Variants in RPE observed in about 807,000 individuals in gnomAD.
The protein encoded by RPE is ribulose-phosphate 3-epimerase.
RPE carries 16 observed loss-of-function variants against 24.6 expected under a neutral mutation model. That is an observed-to-expected ratio of 0.65 (90% CI 0.44 to 0.99). RPE has a LOEUF of 0.99. Ranked by LOEUF, RPE falls within the 50% of genes least tolerant of loss-of-function variation. RPE has a pLI of 0.00. For synonymous variants in RPE, 93 were observed against 98.4 expected, an observed-to-expected ratio of 0.94 and a Z score of 0.33; for missense variants, 240 against 294.5, an observed-to-expected ratio of 0.81 and a Z score of 1.35.
chr2:210,018,694 T>C (rs775598955), intron 5 of RPE: 5 of 985,274 alleles, frequency 5.1e-6, no homozygotes, highest in Non-Finnish European at 6.0e-6. Context: ...CAGTATACTA[T>C]TCCTGCTTTT....
intron 2 of RPE, among the ~76,000 whole-genome samples, chr2:210,011,988 G>T (rs933776150): frequency 6.6e-6 from 1 of 151,936 alleles, no homozygotes. Context: ...GACTACCTTT[G>T]TTTTTTATAT....
chr2:210,009,844 C>A, intron 2 of RPE, 108 bp downstream of exon 2: 2 of 1,465,720 alleles, frequency 1.4e-6, no homozygotes. Flanking sequence ...CCCCAACTTT[C>A]CTATCCTGGG....
intron 2 of RPE, among the ~76,000 whole-genome samples, chr2:210,011,982 A>G (rs1051649796): frequency 1.3e-5 from 2 of 151,890 alleles, no homozygotes; most frequent in South Asian, 2.1e-4. Context: ...GAGCCCGACT[A>G]CCTTTGTTTT....
At chr2:210,006,465 A>G (rs556009074) in intron 1 of RPE, among the ~76,000 whole-genome samples, 1 of 152,150 alleles carries the variant, frequency 6.6e-6, no homozygotes, top group Non-Finnish European at 1.5e-5. Context: ...AACCTAGTGC[A>G]TTGAATTGAT....
In RPE at chr2:210,021,894, T is replaced by C. The variant is rs2093862196; in HGVS notation, c.*2103T>C. On this transcript the variant is annotated 3_prime_UTR_variant, in exon 6 of 6. Coordinates refer to ENST00000359429, the MANE Select transcript of RPE (RefSeq NM_199229.3). Reference sequence around the variant, plus strand: ...TTCCAATCTAGGATGCAAGCAAGAATATATGTTTATTTGAATAGAGTAAGC... The same window carrying C: ...TTCCAATCTAGGATGCAAGCAAGAACATATGTTTATTTGAATAGAGTAAGC... 1 of 151,406 alleles carries C rather than the reference T, an allele frequency of 6.6e-6. No individual in the cohort carries two copies. The allele number at this position is 151,406 out of a possible 1,614,324, so 9.4% of individuals were successfully genotyped here.
At chr2:210,014,531 A>G (rs1234317456) in intron 2 of RPE, among the ~76,000 whole-genome samples, 1 of 152,032 alleles carries the variant, frequency 6.6e-6, no homozygotes, top group African/African-American at 2.4e-5. Flanking sequence ...GGTGGCCCAT[A>G]CCTATAATCC....
At chr2:210,012,341 T>G (rs186891466) in intron 2 of RPE, among the ~76,000 whole-genome samples, 1 of 152,358 alleles carries the variant, frequency 6.6e-6, no homozygotes, top group African/African-American at 2.4e-5. Flanking sequence ...ATTGATGAGT[T>G]AGTTTGCTGG....
At position 210,021,420 on chromosome 2, in the gene RPE, G is replaced by A. The variant is rs375302676; in HGVS notation, c.*1629G>A. ...TCGCATTTAATAACAAGCAACACAC[G>A]GCATATAGAAATAACTTTAATTAAA... is the stretch of plus-strand genomic sequence containing the variant. On this transcript the variant is annotated 3_prime_UTR_variant, in exon 6 of 6. Transcript: ENST00000359429. The A allele has an allele frequency of 4.6e-5, 7 of 152,496 alleles. No individual in the cohort carries two copies. In the South Asian group the frequency reaches 1.2e-3, roughly 27 times the overall value. The allele number at this position is 152,496 out of a possible 1,614,324, so 9.4% of individuals were successfully genotyped here.
intron 2 of RPE, among the ~76,000 whole-genome samples, chr2:210,011,294 C>T (rs994521189): frequency 5.3e-5 from 8 of 152,148 alleles, no homozygotes; most frequent in Non-Finnish European, 1.2e-4. Context: ...TACGGTTGTT[C>T]TCATGACCAT....
At position 210,016,050 on chromosome 2, in the gene RPE, C is replaced by T; in HGVS notation, c.280C>T (p.His94Tyr). The change falls in exon 3 of 6, where the codon CAT (histidine) becomes TAT (tyrosine). Residue 94 changes from histidine (H) to tyrosine (Y), a missense_variant. Transcript: ENST00000359429. ...AGCAGGAGCCAATCAGTACACCTTT[C>T]ATCTCGAGGCTACTGAGAACCCAGG... ...AVAGANQYTF[H>Y]LEATENPGAL... 3.7e-6 allele frequency: 6 copies of T among 1,614,246 alleles called. No homozygotes were observed. Among genetic ancestry groups the T allele is most frequent in the Non-Finnish European group, 4.2e-6 (5 of 1,180,044 alleles).
intron 2 of RPE, among the ~76,000 whole-genome samples, chr2:210,015,245 T>G (rs756145029): frequency 2.6e-5 from 4 of 152,198 alleles, no homozygotes; most frequent in Non-Finnish European, 5.9e-5. Flanking sequence ...TAAGAACATA[T>G]CCATCCCGAA....
rs770875515 is a variant in RPE, at chr2:210,017,542, G to C, written c.547G>C (p.Val183Leu). 2.5e-6 allele frequency: 4 copies of C among 1,613,394 alleles called. No homozygotes were observed. The African/African-American group carries it at 5.3e-5, about 22-fold the overall frequency. ...EVDGGVGPDTVHKCAEAGANM... is the reference protein window; with the variant it reads ...EVDGGVGPDTLHKCAEAGANM... Reference sequence around the variant, plus strand: ...CGATGGTGGAGTAGGTCCTGACACTGTCCATAAATGTGCAGAGGTGAGATT... The same window carrying C: ...CGATGGTGGAGTAGGTCCTGACACTCTCCATAAATGTGCAGAGGTGAGATT... The change falls in exon 5 of 6, where the codon GTC becomes CTC. Residue 183 changes from valine (V) to leucine (L), a missense_variant. Val to Leu is a conservative substitution (Grantham distance 32, BLOSUM62 1). Coordinates refer to ENST00000359429, the MANE Select transcript of RPE (RefSeq NM_199229.3).
At chr2:210,003,461 A>G (rs1365851377) in intron 1 of RPE, 11 of 1,287,860 alleles carry the variant, frequency 8.5e-6, no homozygotes, top group African/African-American at 1.5e-5. Context: ...CAGGGAGGTC[A>G]GTTTTTTGTA....
intron 4 of RPE, 96 bp downstream of exon 4, chr2:210,016,737 C>A: frequency 6.5e-7 from 1 of 1,546,714 alleles, no homozygotes; most frequent in South Asian, 1.2e-5. Flanking sequence ...ATAACCTGTT[C>A]TGAAGGTGAG....
rs935417190 is a variant in RPE at position 210,021,997 on chromosome 2, AATC to A, written c.*2210_*2212del. ...TAATTTCTTGCTAATCTAGAAATAC[AATC>A]ATCTTTTTTTTTTTTTTCAAATTTT... is the stretch of plus-strand genomic sequence containing the variant. On this transcript the variant is annotated 3_prime_UTR_variant, in exon 6 of 6. Coordinates refer to ENST00000359429, the MANE Select transcript of RPE (RefSeq NM_199229.3). The A allele has an allele frequency of 1.3e-5, 2 of 150,108 alleles. No individual in the cohort carries two copies. Among genetic ancestry groups the A allele is most frequent in the Non-Finnish European group, 2.9e-5 (2 of 67,842 alleles). 9.3% of individuals were successfully genotyped at this position (150,108 alleles called of 1,614,324 possible). A position where few individuals can be genotyped will look rare whatever the true frequency, so the allele number is the denominator to read the frequency against.
chr2:210,014,152 A>G (rs1251816027), intron 2 of RPE, among the ~76,000 whole-genome samples: 3 of 151,214 alleles, frequency 2.0e-5, no homozygotes, highest in African/African-American at 7.3e-5. Context: ...AGTGCAGTGG[A>G]GCGATCTCGG....
chr2:210,016,615 A>T lies in RPE; in HGVS notation c.451A>T (p.Lys151Ter). Reference protein sequence around the residue: ...MTVEPGFGGQKFMEDMMPKVH... With the variant: ...MTVEPGFGGQ ...AGTGGAACCGGGGTTTGGAGGGCAG[A>T]AATTCATGGAAGATATGATGCCAAA... The change falls in exon 4 of 6, where the codon AAA becomes TAA. Residue 151 changes from lysine to a stop codon, truncating the protein, a stop_gained. Transcript: ENST00000359429. LOFTEE classifies it high-confidence loss of function. 6.2e-7 allele frequency: 1 copy of T among 1,614,228 alleles called. No individual in the cohort carries two copies. Among genetic ancestry groups the T allele is most frequent in the Non-Finnish European group, 8.5e-7 (1 of 1,180,042 alleles).
chr2:210,009,889 T>G (rs1269654881), intron 2 of RPE, among the ~76,000 whole-genome samples, 153 bp downstream of exon 2: 1 of 152,224 alleles, frequency 6.6e-6, no homozygotes, highest in Non-Finnish European at 1.5e-5. Flanking sequence ...CAAGCCAAAC[T>G]TCTTCCTGCC....
chr2:210,003,961 C>A (rs377523967), intron 1 of RPE, among the ~76,000 whole-genome samples: 1 of 152,116 alleles, frequency 6.6e-6, no homozygotes, highest in Non-Finnish European at 1.5e-5. Flanking sequence ...AAATAATAGG[C>A]CAAATGTGTA....
Sources: gnomAD v4.1 joint callset for allele counts (sites outside exome capture counted in the v4.1 genomes callset) on GRCh38, gnomAD v4.1.1 for gene constraint, MANE v1.5 for transcripts, NCBI Gene and HGNC (gene_info 2026-07-23, HGNC 2026-07-21) for gene names.